The following ZNF521 variants were observed in gnomAD, a reference collection of about 807,000 sequenced individuals.
ZNF521 encodes LYST-interacting protein 3.
ZNF521 carries 14 observed loss-of-function variants against 105.5 expected under a neutral mutation model. That is an observed-to-expected ratio of 0.13 (90% confidence interval 0.09 to 0.21). The LOEUF (loss-of-function observed/expected upper bound fraction) is 0.21. Ranked by LOEUF, ZNF521 falls within the 10% of genes least tolerant of loss-of-function variation. The probability of loss-of-function intolerance (pLI) is 1.00; values close to 1 mark genes in which losing one functional copy is unlikely to be tolerated. For missense variants in ZNF521, 1,233 were observed against 1,629.7 expected (o/e 0.76, Z 4.19); for synonymous variants, 635 against 606.0 (o/e 1.05, Z -0.70).
At chr18:25,269,799 A>T (rs1464455637) in intron 3 of ZNF521, among the ~76,000 whole-genome samples, 1 of 152,250 alleles carries the variant, frequency 6.6e-6, no homozygotes, top group African/African-American at 2.4e-5. Flanking sequence ...CAGTGCATAG[A>T]GGGAAATTTA....
chr18:25,253,672 C>A (rs1033053043), intron 3 of ZNF521, among the ~76,000 whole-genome samples: 1 of 152,040 alleles, frequency 6.6e-6, no homozygotes, highest in South Asian at 2.1e-4. Context: ...TACAATGGAG[C>A]TGTCATAAGT....
intron 5 of ZNF521, among the ~76,000 whole-genome samples, chr18:25,145,855 T>A (rs2034932338): frequency 6.6e-6 from 1 of 152,178 alleles, no homozygotes; most frequent in Admixed American, 6.6e-5. Flanking sequence ...TCCCTTCTAG[T>A]GTTTAATCTT....
chr18:25,334,484 T>G (rs1443468579), intron 2 of ZNF521, among the ~76,000 whole-genome samples: 1 of 152,128 alleles, frequency 6.6e-6, no homozygotes, highest in Admixed American at 6.5e-5. Flanking sequence ...ACCTATAAAA[T>G]GAGAGCAATG....
chr18:25,139,509 C>A (rs1038265355), intron 5 of ZNF521, among the ~76,000 whole-genome samples: 1 of 151,862 alleles, frequency 6.6e-6, no homozygotes, highest in Admixed American at 6.6e-5. Context: ...CAGTCCACAG[C>A]CCTTGGGAAA....
intron 5 of ZNF521, among the ~76,000 whole-genome samples, chr18:25,106,388 C>T (rs924807495): frequency 9.2e-5 from 14 of 152,032 alleles, no homozygotes; most frequent in South Asian, 4.2e-4. Flanking sequence ...CAAACCCTCC[C>T]GGCCCCCAGA....
chr18:25,319,287 C>G (rs1183717802), intron 3 of ZNF521, among the ~76,000 whole-genome samples: 2 of 152,074 alleles, frequency 1.3e-5, no homozygotes, highest in Admixed American at 1.3e-4. Context: ...TATGAACTTG[C>G]AATAGACATA....
At chr18:25,260,981 T>A (rs575454644) in intron 3 of ZNF521, among the ~76,000 whole-genome samples, 3 of 152,302 alleles carry the variant, frequency 2.0e-5, no homozygotes, top group Non-Finnish European at 4.4e-5. Context: ...CTGGAAACCT[T>A]TTCTTCAGGA....
At chr18:25,066,806 C>G (rs751995995) in intron 7 of ZNF521, among the ~76,000 whole-genome samples, 3 of 152,204 alleles carry the variant, frequency 2.0e-5, no homozygotes, top group Non-Finnish European at 4.4e-5. Context: ...AAGCAGCCTT[C>G]TCTCTGTGCA....
intron 5 of ZNF521, among the ~76,000 whole-genome samples, chr18:25,177,065 C>T (rs2035547887): frequency 6.6e-6 from 1 of 152,070 alleles, no homozygotes; most frequent in Admixed American, 6.6e-5. Context: ...CTCTTGCCTG[C>T]TAAATTTCAT....
intron 5 of ZNF521, among the ~76,000 whole-genome samples, chr18:25,173,995 GA>G (rs1425630486): frequency 6.6e-6 from 1 of 151,964 alleles, no homozygotes; most frequent in Non-Finnish European, 1.5e-5. Flanking sequence ...TGAAAATACA[GA>G]GCACTAATTA....
intron 3 of ZNF521, among the ~76,000 whole-genome samples, chr18:25,233,127 C>T (rs1906645498): frequency 6.6e-6 from 1 of 152,004 alleles, no homozygotes; most frequent in Non-Finnish European, 1.5e-5. Flanking sequence ...TACTTCAATG[C>T]CAACACAGTA....
chr18:25,114,232 T>C (rs564251406), intron 5 of ZNF521, among the ~76,000 whole-genome samples: 5 of 152,294 alleles, frequency 3.3e-5, no homozygotes, highest in East Asian at 3.9e-4. Context: ...AGATGGGATA[T>C]AGATATCCAC....
intron 4 of ZNF521, among the ~76,000 whole-genome samples, chr18:25,200,755 T>C (rs2035979034): frequency 1.3e-5 from 2 of 152,154 alleles, no homozygotes; most frequent in African/African-American, 4.8e-5. Flanking sequence ...GTTTATCCTA[T>C]CTAGCAAAGC....
Position 25,350,924 on chromosome 18 carries a change from T to G in ZNF521, c.23A>C (p.Lys8Thr). ...CTCCTTACCTTTGAGGGATCTCGGT[T>G]TCGCTTGCTTGCGGCGAGACATCCT... is the stretch of plus-strand genomic sequence containing the variant. MSRRKQAKPRSLKDPNCK... is the reference protein window; with the variant it reads MSRRKQATPRSLKDPNCK... The change falls in exon 2 of 8, where the codon AAA becomes ACA. Residue 8 changes from lysine to threonine, a missense_variant. Lys to Thr is a moderately conservative substitution (Grantham distance 78). Coordinates refer to ENST00000361524, the MANE Select transcript of ZNF521 (RefSeq NM_015461.3). The G allele has an allele frequency of 6.4e-7, 1 of 1,551,034 alleles. No homozygotes were observed. Among genetic ancestry groups the G allele is most frequent in the Non-Finnish European group, 8.7e-7 (1 of 1,146,546 alleles).
intron 5 of ZNF521, among the ~76,000 whole-genome samples, chr18:25,166,125 T>C (rs931563856): frequency 6.6e-6 from 1 of 152,320 alleles, no homozygotes; most frequent in East Asian, 1.9e-4. Flanking sequence ...AATACAGATT[T>C]GAAAAAAATC....
intron 7 of ZNF521, among the ~76,000 whole-genome samples, chr18:25,074,008 C>A (rs1335798716): frequency 6.6e-6 from 1 of 152,018 alleles, no homozygotes; most frequent in Non-Finnish European, 1.5e-5. Flanking sequence ...TAAGTATGAG[C>A]CACCTCCTGA....
rs147725469 is a variant in ZNF521 at position 25,119,244 on chromosome 18, G to C, written c.3659-27163C>G. 1.2e-4 allele frequency among the ~76,000 whole-genome samples: 19 copies of C among 152,158 alleles called. No individual in the cohort carries two copies. In the East Asian group the frequency reaches 1.9e-3, roughly 15 times the overall value. On this transcript the variant is annotated intron_variant, in intron 5 of 7. Coordinates refer to ENST00000361524, the MANE Select transcript of ZNF521 (RefSeq NM_015461.3). The stretch of plus-strand genomic sequence containing the variant: ...TGAATGCCTGCCTTAGCAATTGATA[G>C]AACACTAGCTCCCTGCCCCCGCCAA...
chr18:25,324,579 T>C (rs1913107575), intron 2 of ZNF521, among the ~76,000 whole-genome samples: 1 of 152,116 alleles, frequency 6.6e-6, no homozygotes. Flanking sequence ...ATACTCTTGG[T>C]TGTTTAGCAT....
intron 2 of ZNF521, among the ~76,000 whole-genome samples, chr18:25,330,783 A>G (rs899698881): frequency 7.2e-5 from 11 of 152,208 alleles, no homozygotes; most frequent in Admixed American, 6.5e-5. Flanking sequence ...TAAAACCCCA[A>G]TAAATTTAAA....
Sources: gnomAD v4.1 joint callset for allele counts (sites outside exome capture counted in the v4.1 genomes callset) on GRCh38, gnomAD v4.1.1 for gene constraint, MANE v1.5 for transcripts, NCBI Gene and HGNC (gene_info 2026-07-23, HGNC 2026-07-21) for gene names.